The following EBF4 variants were observed in gnomAD, a reference collection of about 807,000 sequenced individuals.
EBF4 encodes the protein transcription factor COE4.
In EBF4, 34 loss-of-function variants were observed where a neutral mutation model predicts 67.1. The observed-to-expected ratio is 0.51, with a 90% CI of 0.39 to 0.67. EBF4 has a LOEUF of 0.67. EBF4 is among the 30% of genes least tolerant of loss of function. EBF4 has a pLI of 0.00. For synonymous variants in EBF4, 387 were observed against 377.7 expected, an observed-to-expected ratio of 1.02 and a Z score of -0.29; for missense variants, 837 against 873.3, an observed-to-expected ratio of 0.96 and a Z score of 0.52.
At chr20:2,724,590 A>G (rs1381412423) in intron 6 of EBF4, among the ~76,000 whole-genome samples, 1 of 152,194 alleles carries the variant, frequency 6.6e-6, no homozygotes, top group Non-Finnish European at 1.5e-5. Context: ...TACTTTGAAT[A>G]TATTTCCATT....
At chr20:2,727,611 A>G (rs1600223730) in intron 6 of EBF4, among the ~76,000 whole-genome samples, 1 of 152,338 alleles carries the variant, frequency 6.6e-6, no homozygotes, top group East Asian at 1.9e-4. Flanking sequence ...TTGCTGAATC[A>G]ATGGTAGTTC....
At position 2,755,598 on chromosome 20, in the gene EBF4, C is replaced by T. The variant is rs1040694561; in HGVS notation, c.1541-29C>T. 9.9e-6 allele frequency: 11 copies of T among 1,114,576 alleles called. No homozygotes were observed. The highest frequency in any genetic ancestry group is 5.3e-5 in the South Asian group (4 of 74,918). The allele number at this position is 1,114,576 out of a possible 1,614,324, so 69.0% of individuals were successfully genotyped here. ...GTGTCTCCCACCACCTTCCCTGCTG[C>T]GCCTGCCCCTCCCCGCCCCGCCCCG... On this transcript the variant is annotated intron_variant, in intron 14 of 16. Coordinates refer to ENST00000609451, the Ensembl canonical transcript of EBF4. The surrounding 1 kb of genome is among the most constrained non-coding windows in gnomAD (Gnocchi z 4.7).
At chr20:2,709,492 G>A in intron 5 of EBF4, 82 bp from the exon 6 acceptor site, 1 of 1,350,838 alleles carries the variant, frequency 7.4e-7, no homozygotes, top group Non-Finnish European at 1.0e-6. Flanking sequence ...CTCAGCTCAG[G>A]GCGCCCCCCA....
chr20:2,752,334 G>A, intron 13 of EBF4, 23 bp from the exon 14 acceptor site: 1 of 1,199,242 alleles, frequency 8.3e-7, no homozygotes, highest in African/African-American at 1.6e-5. Context: ...ACCGCCCCCT[G>A]ACGGCCGCGC....
At chr20:2,726,099 C>T (rs2087743463) in intron 6 of EBF4, among the ~76,000 whole-genome samples, 1 of 151,996 alleles carries the variant, frequency 6.6e-6, no homozygotes, top group African/African-American at 2.4e-5. Context: ...TTCCAGTTGC[C>T]CCAAGAGCAT....
chr20:2,704,169 G>A (rs2087417787), intron 1 of EBF4, among the ~76,000 whole-genome samples: 2 of 152,038 alleles, frequency 1.3e-5, no homozygotes, highest in East Asian at 1.9e-4. Flanking sequence ...ATACAAGAGG[G>A]GGCTAACTAA....
chr20:2,758,961 G>A (rs1347401661), exon 16 of EBF4: 1 of 1,551,656 alleles, frequency 6.4e-7, no homozygotes, highest in Non-Finnish European at 8.7e-7. Context: ...GGGGGCTTCA[G>A]GGCCTGGCAT....
At chr20:2,709,745 C>G (rs6115646) in intron 6 of EBF4, 103 bp downstream of exon 6, 19 of 1,192,254 alleles carry the variant, frequency 1.6e-5, no homozygotes, top group South Asian at 1.3e-4. Flanking sequence ...GCGGAGCAGC[C>G]CCCCCGGGGC....
In EBF4 at chr20:2,729,068, T is replaced by G. The variant is rs142426208; in HGVS notation, c.557+19426T>G. On this transcript the variant is annotated intron_variant, in intron 6 of 16. Coordinates refer to ENST00000609451, the Ensembl canonical transcript of EBF4. Reference sequence around the variant, plus strand: ...AGTGTGAATATAACTATATAACCATTTTAAAATGTTTTTTGATAACTTTCA... The same window carrying G: ...AGTGTGAATATAACTATATAACCATGTTAAAATGTTTTTTGATAACTTTCA... Among the ~76,000 whole-genome samples the G allele has an allele frequency of 2.4e-3, 365 of 152,298 alleles. 2 individuals are homozygous for G. Among genetic ancestry groups the G allele is most frequent in the African/African-American group, 8.3e-3 (343 of 41,550 alleles).
chr20:2,727,222 G>A (rs568113394), intron 6 of EBF4, among the ~76,000 whole-genome samples: 1 of 152,032 alleles, frequency 6.6e-6, no homozygotes, highest in South Asian at 2.1e-4. Context: ...CGCATTGTAT[G>A]TATATACTAC....
intron 6 of EBF4, among the ~76,000 whole-genome samples, chr20:2,725,616 TGTG>T (rs1483578651): frequency 2.0e-5 from 3 of 152,208 alleles, no homozygotes; most frequent in Non-Finnish European, 2.9e-5. Flanking sequence ...TTGTTATTGA[TGTG>T]GTGGTGGTTA....
chr20:2,693,599 G>C lies in EBF4; in HGVS notation c.-47G>C, dbSNP rs763174756. ...TGAGCTAGACGCCCGCAGCCTCAGC[G>C]GGACCGGATCCGGGGCGGCGGGGGC... On this transcript the variant is annotated 5_prime_UTR_variant, in exon 1 of 17. Coordinates refer to ENST00000609451, the Ensembl canonical transcript of EBF4. The surrounding 1 kb of genome is among the most constrained non-coding windows in gnomAD (Gnocchi z 4.6). 4.4e-6 allele frequency: 6 copies of C among 1,349,260 alleles called. No individual in the cohort carries two copies. In the South Asian group the frequency reaches 9.0e-5, roughly 20 times the overall value. The allele number at this position is 1,349,260 out of a possible 1,614,324, so 83.6% of individuals were successfully genotyped here. A position where few individuals can be genotyped will look rare whatever the true frequency, so the allele number is the denominator to read the frequency against.
At chr20:2,759,808 C>T (rs1014321406), downstream of EBF4, 3 of 152,290 alleles carry the variant, frequency 2.0e-5, no homozygotes, top group African/African-American at 7.2e-5. Flanking sequence ...CGCAGCTGCC[C>T]CCACTTCCTT....
At chr20:2,721,778 T>C (rs190246254) in intron 6 of EBF4, among the ~76,000 whole-genome samples, 3 of 152,316 alleles carry the variant, frequency 2.0e-5, no homozygotes, top group Admixed American at 2.0e-4. Flanking sequence ...TTTCTGAACA[T>C]ATAAAACACA....
At chr20:2,749,809 C>G (rs768447253) in intron 9 of EBF4, 38 bp from the exon 10 acceptor site, 55 of 1,541,764 alleles carry the variant, frequency 3.6e-5, no homozygotes, top group South Asian at 3.5e-4. Flanking sequence ...CTCCCCTCGC[C>G]GGTGCGGGAC....
At chr20:2,730,794 A>G (rs2087803632) in intron 6 of EBF4, among the ~76,000 whole-genome samples, 1 of 152,198 alleles carries the variant, frequency 6.6e-6, no homozygotes, top group Non-Finnish European at 1.5e-5. Flanking sequence ...GCTGGTAGAA[A>G]GCATTCGCTT....
In EBF4 at chr20:2,707,825, C is replaced by A. The variant is rs2087479915; in HGVS notation, c.415-122C>A. 1 of 978,492 alleles carries A rather than the reference C, an allele frequency of 1.0e-6. No individual in the cohort carries two copies. Among genetic ancestry groups the A allele is most frequent in the South Asian group, 1.9e-5 (1 of 53,360 alleles). 60.6% of individuals were successfully genotyped at this position (978,492 alleles called of 1,614,324 possible). A position where few individuals can be genotyped will look rare whatever the true frequency, so the allele number is the denominator to read the frequency against. ...AGCCCAGAGCAAGGCAGAGGGCGTG[C>A]TCTTCCCTGGGGCAGGGTCTCCCTG... On this transcript the variant is annotated intron_variant, in intron 4 of 16. Transcript: ENST00000609451. The surrounding 1 kb of genome is among the most constrained non-coding windows in gnomAD (Gnocchi z 4.6).
chr20:2,693,636 G>A lies in EBF4; in HGVS notation c.-10G>A. Reference sequence around the variant, plus strand: ...GGGGCGGCGGGGGCGCTCACTCACCGCGCGCCCTCATGTTCCCTGCGCAGG... The same window carrying A: ...GGGGCGGCGGGGGCGCTCACTCACCACGCGCCCTCATGTTCCCTGCGCAGG... On this transcript the variant is annotated 5_prime_UTR_variant, in exon 1 of 17. Transcript: ENST00000609451. This position sits in a 1 kb window ranked among gnomAD's most constrained non-coding sequence, Gnocchi z 4.6. The A allele has an allele frequency of 5.0e-6, 7 of 1,405,582 alleles. No individual in the cohort carries two copies. The South Asian group carries it at 7.4e-5, about 15-fold the overall frequency. 87.1% of individuals were successfully genotyped at this position (1,405,582 alleles called of 1,614,324 possible). A position where few individuals can be genotyped will look rare whatever the true frequency, so the allele number is the denominator to read the frequency against.
At chr20:2,704,112 A>G (rs1306726680) in intron 1 of EBF4, among the ~76,000 whole-genome samples, 1 of 152,110 alleles carries the variant, frequency 6.6e-6, no homozygotes, top group Non-Finnish European at 1.5e-5. Flanking sequence ...GTTATATGCT[A>G]TTACTCCTGC....
Sources: allele counts gnomAD v4.1 joint callset (sites outside exome capture counted in the v4.1 genomes callset), GRCh38; gene constraint gnomAD v4.1.1; non-coding constraint Gnocchi (gnomAD v3.1); transcripts MANE v1.5; gene names NCBI Gene and HGNC (gene_info 2026-07-23, HGNC 2026-07-21).